MLLT3: variants seen among roughly 807,000 people sequenced by gnomAD.
The protein encoded by MLLT3 is MLLT3 super elongation complex subunit, also known as protein AF-9.
In MLLT3, 4 loss-of-function variants were observed where a neutral mutation model predicts 53.2. The ratio of observed to expected loss-of-function variants is 0.08; its 90% CI spans 0.04 to 0.17. The LOEUF (loss-of-function observed/expected upper bound fraction) is 0.17. Ranked by LOEUF, MLLT3 falls within the 10% of genes least tolerant of loss-of-function variation. The probability of loss-of-function intolerance (pLI) is 1.00; values close to 1 mark genes in which losing one functional copy is unlikely to be tolerated. For missense variants in MLLT3, 569 were observed against 684.0 expected (o/e 0.83, Z 1.87); for synonymous variants, 283 against 230.6 (o/e 1.23, Z -2.06).
rs1217403714 is a variant in MLLT3 at position 20,344,478 on chromosome 9, T to C, written c.*1965A>G. 1 of 219,792 alleles carries C rather than the reference T, an allele frequency of 4.5e-6. No individual in the cohort carries two copies. 13.6% of individuals were successfully genotyped at this position (219,792 alleles called of 1,614,324 possible). A position where few individuals can be genotyped will look rare whatever the true frequency, so the allele number is the denominator to read the frequency against. ...ACAAAACGCAACTGAAACCACACAA[T>C]TCATCAATCACCTAATGTCCAAAAT... is the stretch of plus-strand genomic sequence containing the variant. On this transcript the variant is annotated 3_prime_UTR_variant, in exon 11 of 11. Transcript: ENST00000380338.
chr9:20,425,258 A>C lies in MLLT3; in HGVS notation c.421-10833T>G, dbSNP rs1343411654. ...TGGTATAATATGGAGCAAATGGGTTAGATTCTCATGTAAAAATAGCAGCAT... is the reference window on the plus strand; with the variant it reads ...TGGTATAATATGGAGCAAATGGGTTCGATTCTCATGTAAAAATAGCAGCAT... On this transcript the variant is annotated intron_variant, in intron 4 of 10. Coordinates refer to ENST00000380338, the MANE Select transcript of MLLT3 (RefSeq NM_004529.4). Among the ~76,000 whole-genome samples the C allele has an allele frequency of 2.0e-5, 3 of 152,198 alleles. No individual in the cohort carries two copies. In the South Asian group the frequency reaches 6.2e-4, roughly 31 times the overall value.
chr9:20,367,995 G>A (rs2118659592), intron 5 of MLLT3, among the ~76,000 whole-genome samples: 1 of 152,356 alleles, frequency 6.6e-6, no homozygotes, highest in Admixed American at 6.5e-5. Flanking sequence ...GCAGGTGCCA[G>A]CAATCTAGCA....
intron 2 of MLLT3, among the ~76,000 whole-genome samples, chr9:20,490,002 G>A (rs1484855799): frequency 6.6e-6 from 1 of 152,162 alleles, no homozygotes; most frequent in Non-Finnish European, 1.5e-5. Context: ...ACTGTAAGGT[G>A]CTAAGGATAC....
At chr9:20,355,133 T>C (rs1240348501) in intron 8 of MLLT3, among the ~76,000 whole-genome samples, 1 of 142,472 alleles carries the variant, frequency 7.0e-6, no homozygotes, top group Non-Finnish European at 1.5e-5. Flanking sequence ...CAGTTGATGA[T>C]AAGGAAATTG....
intron 2 of MLLT3, among the ~76,000 whole-genome samples, chr9:20,472,436 G>T (rs1042947121): frequency 6.6e-6 from 1 of 151,936 alleles, no homozygotes; most frequent in Non-Finnish European, 1.5e-5. Context: ...TGAAATAAGG[G>T]CTTATCCTCA....
rs555953729 is a variant in MLLT3 at position 20,553,829 on chromosome 9, C to CT, written c.193+66824dup. Among the ~76,000 whole-genome samples, 764 of 144,862 alleles carry CT rather than the reference C, an allele frequency of 5.3e-3. 6 individuals are homozygous for CT. The highest frequency in any genetic ancestry group is 0.035 in the South Asian group (158 of 4,566). On this transcript the variant is annotated intron_variant, in intron 2 of 10. Coordinates refer to ENST00000380338, the MANE Select transcript of MLLT3 (RefSeq NM_004529.4). Reference sequence around the variant, plus strand: ...CCTGTACAAGACAAAAAATAAACAGCTTTTTTTTTTTTAATTTACAATTCA... The same window carrying CT: ...CCTGTACAAGACAAAAAATAAACAGCTTTTTTTTTTTTTAATTTACAATTCA...
Position 20,509,903 on chromosome 9 carries a change from C to G in MLLT3, c.194-53117G>C, listed in dbSNP as rs376497872. Among the ~76,000 whole-genome samples, 52 of 150,676 alleles carry G rather than the reference C, an allele frequency of 3.5e-4. 2 individuals carry two copies. Among genetic ancestry groups the G allele is most frequent in the African/African-American group, 1.3e-3 (52 of 40,840 alleles). Reference sequence around the variant, plus strand: ...TTTTTTTTACATCTGATATCCACCACTTACAAACTTAGGCAGGCCAGTTGG... The same window carrying G: ...TTTTTTTTACATCTGATATCCACCAGTTACAAACTTAGGCAGGCCAGTTGG... On this transcript the variant is annotated intron_variant, in intron 2 of 10. Transcript: ENST00000380338.
rs35816235 is a variant in MLLT3 at position 20,514,939 on chromosome 9, ATTTTT to A, written c.194-58158_194-58154del. On this transcript the variant is annotated intron_variant, in intron 2 of 10. Coordinates refer to ENST00000380338, the MANE Select transcript of MLLT3 (RefSeq NM_004529.4). Reference sequence around the variant, plus strand: ...CAGTGTTTCTTACCTTGAAGGAACAATTTTTTTTTTTTTTTTTTTTTTTTTGAGAC... The same window carrying A: ...CAGTGTTTCTTACCTTGAAGGAACAATTTTTTTTTTTTTTTTTTTTGAGAC... Among the ~76,000 whole-genome samples the A allele has an allele frequency of 4.1e-3, 363 of 88,726 alleles. 4 individuals carry two copies. In the East Asian group the frequency reaches 0.048, roughly 12 times the overall value. 58.2% of individuals were successfully genotyped at this position (88,726 alleles called of 152,430 possible). A position where few individuals can be genotyped will look rare whatever the true frequency, so the allele number is the denominator to read the frequency against.
chr9:20,369,122 T>A (rs1016638702), intron 5 of MLLT3, among the ~76,000 whole-genome samples: 3 of 152,190 alleles, frequency 2.0e-5, no homozygotes, highest in Admixed American at 2.0e-4. Flanking sequence ...GTAATGATGA[T>A]GCTGCAGGTC....
intron 2 of MLLT3, among the ~76,000 whole-genome samples, chr9:20,605,028 A>G (rs1336175461): frequency 2.0e-5 from 3 of 152,152 alleles, no homozygotes; most frequent in Middle Eastern, 3.2e-3. Flanking sequence ...TAGCTATTCA[A>G]GAACATATTA....
chr9:20,370,439 C>T (rs1051807092), intron 5 of MLLT3, among the ~76,000 whole-genome samples: 1 of 151,918 alleles, frequency 6.6e-6, no homozygotes, highest in Non-Finnish European at 1.5e-5. Flanking sequence ...CCCTGAGATA[C>T]AACAATACTG....
At chr9:20,496,309 A>C (rs1356171630) in intron 2 of MLLT3, among the ~76,000 whole-genome samples, 1 of 152,200 alleles carries the variant, frequency 6.6e-6, no homozygotes, top group Admixed American at 6.5e-5. Flanking sequence ...TGTGTTGAAA[A>C]GGTGTTTATG....
rs1820774332 is a variant in MLLT3 at position 20,343,000 on chromosome 9, C to T, written c.*3443G>A. The T allele has an allele frequency of 5.2e-6, 1 of 191,830 alleles. No individual in the cohort carries two copies. 11.9% of individuals were successfully genotyped at this position (191,830 alleles called of 1,614,324 possible). On this transcript the variant is annotated 3_prime_UTR_variant, in exon 11 of 11. Coordinates refer to ENST00000380338, the MANE Select transcript of MLLT3 (RefSeq NM_004529.4). ...GCCACCAAACAGACACTGACTGTTT[C>T]CAACACTGGACATCCAACTCCATTA...
intron 4 of MLLT3, among the ~76,000 whole-genome samples, chr9:20,420,458 T>C (rs150872341): frequency 6.6e-6 from 1 of 152,306 alleles, no homozygotes; most frequent in East Asian, 1.9e-4. Context: ...GCTAGATTAA[T>C]ATCAGATCAT....
At chr9:20,464,912 A>G (rs184957986) in intron 2 of MLLT3, among the ~76,000 whole-genome samples, 1 of 152,206 alleles carries the variant, frequency 6.6e-6, no homozygotes, top group East Asian at 1.9e-4. Flanking sequence ...TTATAATTTC[A>G]TGATAATCTC....
intron 2 of MLLT3, among the ~76,000 whole-genome samples, chr9:20,534,237 G>C (rs563772656): frequency 2.0e-5 from 3 of 152,140 alleles, no homozygotes; most frequent in Non-Finnish European, 4.4e-5. Flanking sequence ...GCTACCGTGG[G>C]AGAACTGACC....
Position 20,377,588 on chromosome 9 carries a change from T to G in MLLT3, c.1126-11844A>C, listed in dbSNP as rs551598755. 2.6e-5 allele frequency among the ~76,000 whole-genome samples: 4 copies of G among 152,236 alleles called. No homozygotes were observed. The East Asian group carries it at 7.7e-4, about 29-fold the overall frequency. On this transcript the variant is annotated intron_variant, in intron 5 of 10. Coordinates refer to ENST00000380338, the MANE Select transcript of MLLT3 (RefSeq NM_004529.4). ...CATTTCCTTATTAACTTTAACCTTTTAAAAAATGTGTCACTTTAAAATGTT... is the reference window on the plus strand; with the variant it reads ...CATTTCCTTATTAACTTTAACCTTTGAAAAAATGTGTCACTTTAAAATGTT...
rs911345856 is a variant in MLLT3, at chr9:20,342,886, G to C, written c.*3557C>G. ...AATATAGGAGCAGTACATAGCATTA[G>C]TACACAAAACGCTAAAGGTGGAAAG... On this transcript the variant is annotated 3_prime_UTR_variant, in exon 11 of 11. Coordinates refer to ENST00000380338, the MANE Select transcript of MLLT3 (RefSeq NM_004529.4). The C allele has an allele frequency of 5.5e-6, 1 of 181,074 alleles. No individual in the cohort carries two copies. Among genetic ancestry groups the C allele is most frequent in the Non-Finnish European group, 1.2e-5 (1 of 86,462 alleles). 11.2% of individuals were successfully genotyped at this position (181,074 alleles called of 1,614,324 possible). A position where few individuals can be genotyped will look rare whatever the true frequency, so the allele number is the denominator to read the frequency against.
At position 20,451,413 on chromosome 9, in the gene MLLT3, C is replaced by T. The variant is rs944521535; in HGVS notation, c.277-3147G>A. Among the ~76,000 whole-genome samples, 7 of 152,242 alleles carry T rather than the reference C, an allele frequency of 4.6e-5. No individual in the cohort carries two copies. The South Asian group carries it at 1.0e-3, about 23-fold the overall frequency. The stretch of plus-strand genomic sequence containing the variant: ...CATAAAAAGAATGAGGTAATATCAA[C>T]ATCACTTTATAGTCTACAACAGTCT... On this transcript the variant is annotated intron_variant, in intron 3 of 10. Coordinates refer to ENST00000380338, the MANE Select transcript of MLLT3 (RefSeq NM_004529.4).
Sources: allele counts gnomAD v4.1 joint callset (sites outside exome capture counted in the v4.1 genomes callset), GRCh38; gene constraint gnomAD v4.1.1; transcripts MANE v1.5; gene names NCBI Gene and HGNC (gene_info 2026-07-23, HGNC 2026-07-21).